The following LRRC45 variants were observed in gnomAD, a reference collection of about 807,000 sequenced individuals.
The protein encoded by LRRC45 is leucine rich repeat containing 45, also known as leucine-rich repeat-containing protein 45.
LRRC45 carries 73 observed loss-of-function variants against 85.4 expected under a neutral mutation model. The ratio of observed to expected loss-of-function variants is 0.85; its 90% CI spans 0.71 to 1.04. The LOEUF is 1.04. Ranked by LOEUF, LRRC45 falls within the 50% of genes least tolerant of loss-of-function variation. LRRC45 has a pLI of 0.00. For missense variants in LRRC45, 937 were observed against 883.3 expected (o/e 1.06, Z -0.77); for synonymous variants, 429 against 386.0 (o/e 1.11, Z -1.31).
rs1342022385 is a variant in LRRC45, at chr17:82,030,336, C to G, written c.1686C>G (p.Asp562Glu). The change falls in exon 16 of 17, where the codon GAC (aspartate) becomes GAG (glutamate). Residue 562 changes from aspartate to glutamate, a missense_variant. Coordinates refer to ENST00000306688, the MANE Select transcript of LRRC45 (RefSeq NM_144999.4). ...CCTGGCAGGAGCTGAGCCTCAAGGA[C>G]CAGGAAAGGGTGGCCGAGGTGAGCA... is the stretch of plus-strand genomic sequence containing the variant. ...EELQQELSLKDQERVAEVSRV... is the reference protein window; with the variant it reads ...EELQQELSLKEQERVAEVSRV... 1 of 1,549,564 alleles carries G rather than the reference C, an allele frequency of 6.5e-7. No individual in the cohort carries two copies. The highest frequency in any genetic ancestry group is 2.0e-5 in the Admixed American group (1 of 51,010).
chr17:82,030,023 G>A (rs1367157881), intron 14 of LRRC45, 42 bp from the exon 15 acceptor site: 23 of 1,511,972 alleles, frequency 1.5e-5, no homozygotes, highest in Non-Finnish European at 2.6e-6. Flanking sequence ...GCTGAGCTCA[G>A]GCTGAGCCCC....
In LRRC45 at chr17:82,030,908, G is replaced by A. The variant is rs1298215155; in HGVS notation, c.*103G>A. On this transcript the variant is annotated 3_prime_UTR_variant, in exon 17 of 17. Coordinates refer to ENST00000306688, the MANE Select transcript of LRRC45 (RefSeq NM_144999.4). ...GCGCCGCCTCTTTGAGACCCGGGTC[G>A]TCTGTTCCACGCGGCGGTTGCGGCG... is the stretch of plus-strand genomic sequence containing the variant. 27 of 908,836 alleles carry A rather than the reference G, an allele frequency of 3.0e-5. No individual in the cohort carries two copies. The highest frequency in any genetic ancestry group is 3.7e-5 in the Non-Finnish European group (25 of 678,888). 56.3% of individuals were successfully genotyped at this position (908,836 alleles called of 1,614,324 possible). A position where few individuals can be genotyped will look rare whatever the true frequency, so the allele number is the denominator to read the frequency against.
intron 5 of LRRC45, among the ~76,000 whole-genome samples, chr17:82,025,936 C>T (rs1477062883): frequency 6.6e-6 from 1 of 152,216 alleles, no homozygotes; most frequent in African/African-American, 2.4e-5. Context: ...CTGGCCTCCA[C>T]ACATTCCCTC....
rs375781595 is a variant in LRRC45 at position 82,027,420 on chromosome 17, G to A, written c.809G>A (p.Arg270Gln). The A allele has an allele frequency of 3.6e-5, 58 of 1,612,612 alleles. No individual in the cohort carries two copies. Among genetic ancestry groups the A allele is most frequent in the African/African-American group, 3.3e-4 (25 of 74,952 alleles). The change falls in exon 7 of 17, where the codon CGA becomes CAA. Residue 270 changes from arginine to glutamine, a missense_variant. Transcript: ENST00000306688. ...TTGATGGAGACTATTGATAAGCAGC[G>A]AGAAGAGATGGCCAAGAGCAGCAGG... ...LDLMETIDKQ[R>Q]EEMAKSSRAS...
In LRRC45 at chr17:82,030,095, CTG is replaced by C. The variant is rs1165828009; in HGVS notation, c.1526_1527del (p.Leu509GlnfsTer36). 6.5e-7 allele frequency: 1 copy of C among 1,546,736 alleles called. No homozygotes were observed. Among genetic ancestry groups the C allele is most frequent in the Non-Finnish European group, 8.7e-7 (1 of 1,147,140 alleles). On this transcript the variant is annotated frameshift_variant, in exon 15 of 17. Coordinates refer to ENST00000306688, the MANE Select transcript of LRRC45 (RefSeq NM_144999.4). LOFTEE classifies it high-confidence loss of function. The part of the protein sequence containing the change: ...QQRLAHLEDK[L>X]RLLAQARDEA... ...GCGCCTGGCTCACCTGGAGGACAAG[CTG>C]AGACTGCTGGCGCAGGCACGGGACG...
chr17:82,031,000 C>A lies in LRRC45; in HGVS notation c.*195C>A. ...GCGCCTGGGAAGGGCTCCCTACCGG[C>A]CCCTTCTTCCCGGTCGACGCCACGT... On this transcript the variant is annotated 3_prime_UTR_variant, in exon 17 of 17. Transcript: ENST00000306688. 4.9e-6 allele frequency: 2 copies of A among 406,962 alleles called. No individual in the cohort carries two copies. The highest frequency in any genetic ancestry group is 8.5e-6 in the Non-Finnish European group (2 of 234,682). 25.2% of individuals were successfully genotyped at this position (406,962 alleles called of 1,614,324 possible). A position where few individuals can be genotyped will look rare whatever the true frequency, so the allele number is the denominator to read the frequency against.
Position 82,023,329 on chromosome 17 carries a change from GACGC to G in LRRC45, c.-314_-311del, listed in dbSNP as rs2043329642. The G allele has an allele frequency of 2.2e-6, 1 of 446,910 alleles. No individual in the cohort carries two copies. Among genetic ancestry groups the G allele is most frequent in the Non-Finnish European group, 4.0e-6 (1 of 252,042 alleles). 27.7% of individuals were successfully genotyped at this position (446,910 alleles called of 1,614,324 possible). A position where few individuals can be genotyped will look rare whatever the true frequency, so the allele number is the denominator to read the frequency against. On this transcript the variant is annotated 5_prime_UTR_variant, in exon 1 of 17. Transcript: ENST00000306688. ...TGTTCTTCCTGGATACTGAGGCCCC[GACGC>G]GGCTGTCGCGAGGGCGGGGGTCGGG...
At chr17:82,024,042 G>A (rs1376006858) in intron 1 of LRRC45, 179 bp downstream of exon 1, 15 of 711,302 alleles carry the variant, frequency 2.1e-5, no homozygotes, top group Non-Finnish European at 3.4e-5. Flanking sequence ...ACGGGGGAGA[G>A]GCCTTAACAT....
At chr17:82,025,345 G>A (rs1315603457) in intron 4 of LRRC45, 34 bp from the exon 5 acceptor site, 1 of 1,547,184 alleles carries the variant, frequency 6.5e-7, no homozygotes, top group Non-Finnish European at 8.7e-7. Flanking sequence ...TCTGCCAGGT[G>A]CATTCTGTCT....
At chr17:82,025,793 C>G (rs1322882363) in intron 5 of LRRC45, among the ~76,000 whole-genome samples, 1 of 152,228 alleles carries the variant, frequency 6.6e-6, no homozygotes, top group Non-Finnish European at 1.5e-5. Context: ...GTGTGGCTCA[C>G]AGTCCTGGCC....
rs2043407827 is a variant in LRRC45, at chr17:82,030,355, G to A, written c.1705G>A (p.Val569Met). The A allele has an allele frequency of 6.5e-7, 1 of 1,549,894 alleles. No homozygotes were observed. The highest frequency in any genetic ancestry group is 1.4e-5 in the African/African-American group (1 of 73,188). Residue 569 changes from valine to methionine, a missense_variant, in exon 16 of 17, where the codon GTG (valine) becomes ATG (methionine). Coordinates refer to ENST00000306688, the MANE Select transcript of LRRC45 (RefSeq NM_144999.4). Reference sequence around the variant, plus strand: ...CAAGGACCAGGAAAGGGTGGCCGAGGTGAGCAGGGTGCGCGTGGAGCTGCA... The same window carrying A: ...CAAGGACCAGGAAAGGGTGGCCGAGATGAGCAGGGTGCGCGTGGAGCTGCA... ...SLKDQERVAE[V>M]SRVRVELQEQ...
Position 82,030,237 on chromosome 17 carries a change from A to C in LRRC45, c.1667A>C (p.Gln556Pro). Reference sequence around the variant, plus strand: ...CGGCGGCGCCTGGAAGAGCTGCAGCAGGTAGGCGGGGCTCCGGTGGGGGGC... The same window carrying C: ...CGGCGGCGCCTGGAAGAGCTGCAGCCGGTAGGCGGGGCTCCGGTGGGGGGC... Reference protein sequence around the residue: ...GLRRRLEELQQELSLKDQERV... With the variant: ...GLRRRLEELQPELSLKDQERV... The change falls in exon 15 of 17, where the codon CAG becomes CCG. Residue 556 changes from glutamine to proline, a missense_variant and splice_region_variant. Transcript: ENST00000306688. The C allele has an allele frequency of 6.5e-7, 1 of 1,534,118 alleles. No individual in the cohort carries two copies. The highest frequency in any genetic ancestry group is 8.8e-7 in the Non-Finnish European group (1 of 1,136,228).
At chr17:82,026,681 C>A (rs1050338630) in intron 5 of LRRC45, 1 of 398,626 alleles carries the variant, frequency 2.5e-6, no homozygotes, top group South Asian at 2.1e-5. Flanking sequence ...CCGGTTCAAG[C>A]GATTTTCCTG....
chr17:82,028,559 G>A (rs1219423029), intron 11 of LRRC45, 51 bp downstream of exon 11: 2 of 1,611,742 alleles, frequency 1.2e-6, no homozygotes, highest in Non-Finnish European at 1.7e-6. Context: ...GGCACCGGGG[G>A]ACGGGGGCCC....
chr17:82,030,671 G>C lies in LRRC45; in HGVS notation c.1879G>C (p.Glu627Gln), dbSNP rs766077349. 5.4e-6 allele frequency: 8 copies of C among 1,469,732 alleles called. No homozygotes were observed. Among genetic ancestry groups the C allele is most frequent in the South Asian group, 4.1e-5 (3 of 73,548 alleles). The allele number at this position is 1,469,732 out of a possible 1,614,324, so 91.0% of individuals were successfully genotyped here. The change falls in exon 17 of 17, where the codon GAG (glutamate) becomes CAG (glutamine). Residue 627 changes from glutamate to glutamine, a missense_variant. By Grantham distance (29) the Glu-to-Gln change is conservative. Coordinates refer to ENST00000306688, the MANE Select transcript of LRRC45 (RefSeq NM_144999.4). The stretch of plus-strand genomic sequence containing the variant: ...GGAGAGCGAGAACGCGTCTCTCCGG[G>C]AGAAGCTGCGGCTCCGGGAGGCGGA... ...DRESENASLR[E>Q]KLRLREAEIA...
At chr17:82,026,860 A>C in intron 5 of LRRC45, 39 bp from the exon 6 acceptor site, 7 of 1,539,244 alleles carry the variant, frequency 4.5e-6, no homozygotes, top group Non-Finnish European at 6.2e-6. Context: ...GATTCCAGGC[A>C]TGAGCCCCTG....
chr17:82,030,182 A>T lies in LRRC45; in HGVS notation c.1612A>T (p.Ser538Cys). ...QVVAEAQTRV[S>C]QLGLQVEGLR... is the part of the protein sequence containing the mutation. ...GGTGGCCGAGGCCCAGACCCGGGTC[A>T]GCCAGCTGGGCCTGCAAGTTGAGGG... Residue 538 changes from serine to cysteine, a missense_variant, in exon 15 of 17, where the codon AGC becomes TGC. Ser to Cys is a moderately radical substitution (Grantham distance 112). Transcript: ENST00000306688. The T allele has an allele frequency of 1.3e-6, 2 of 1,544,246 alleles. No individual in the cohort carries two copies. Among genetic ancestry groups the T allele is most frequent in the Non-Finnish European group, 1.7e-6 (2 of 1,143,758 alleles).
Position 82,029,961 on chromosome 17 carries a change from A to G in LRRC45, c.1495-104A>G, listed in dbSNP as rs1018115859. ...GCGGGTTCAGAGTCATAGTAACTAGAGCAGCCAGTCCTGCAGAGAGGTGGG... is the reference window on the plus strand; with the variant it reads ...GCGGGTTCAGAGTCATAGTAACTAGGGCAGCCAGTCCTGCAGAGAGGTGGG... On this transcript the variant is annotated intron_variant, in intron 14 of 16. Transcript: ENST00000306688. 6 of 1,360,246 alleles carry G rather than the reference A, an allele frequency of 4.4e-6. No individual in the cohort carries two copies. In the African/African-American group the frequency reaches 8.8e-5, roughly 20 times the overall value. 84.3% of individuals were successfully genotyped at this position (1,360,246 alleles called of 1,614,324 possible).
rs1194951082 is a variant in LRRC45, at chr17:82,025,146, C to T, written c.500C>T (p.Ala167Val). Residue 167 changes from alanine to valine, a missense_variant, in exon 4 of 17, where the codon GCC becomes GTC. Physicochemically the swap from Ala to Val is moderately conservative, Grantham distance 64 (BLOSUM62 0). Transcript: ENST00000306688. ...AAGGGCGCGGAGGAGCTGGCCCTAGCCCTGAAGGGCAACACCACCCTCCAG... is the reference window on the plus strand; with the variant it reads ...AAGGGCGCGGAGGAGCTGGCCCTAGTCCTGAAGGGCAACACCACCCTCCAG... ...SHKGAEELAL[A>V]LKGNTTLQQL... is the part of the protein sequence containing the mutation. 2 of 1,606,678 alleles carry T rather than the reference C, an allele frequency of 1.2e-6. No homozygotes were observed. The highest frequency in any genetic ancestry group is 1.1e-5 in the South Asian group (1 of 90,416).
Sources: allele counts gnomAD v4.1 joint callset (sites outside exome capture counted in the v4.1 genomes callset), GRCh38; gene constraint gnomAD v4.1.1; transcripts MANE v1.5; gene names NCBI Gene and HGNC (gene_info 2026-07-23, HGNC 2026-07-21).